EXOC6: variants seen among roughly 807,000 people sequenced by gnomAD.
The protein encoded by EXOC6 is exocyst complex component 6.
A neutral mutation model predicts 112.5 loss-of-function variants in EXOC6; 60 were observed. That is an observed-to-expected ratio of 0.53 (90% CI 0.43 to 0.66). The LOEUF is 0.66. Ranked by LOEUF, EXOC6 falls within the 30% of genes least tolerant of loss-of-function variation. EXOC6 has a pLI of 0.00. For synonymous variants in EXOC6, 295 were observed against 308.0 expected (o/e 0.96, Z 0.44); for missense variants, 855 against 957.1 (o/e 0.89, Z 1.41).
intron 1 of EXOC6, among the ~76,000 whole-genome samples, 195 bp downstream of exon 1, chr10:92,848,829 G>C (rs558151439): frequency 9.6e-4 from 146 of 152,080 alleles, no homozygotes; most frequent in Middle Eastern, 6.8e-3. Flanking sequence ...GGCTGCACCT[G>C]TCGGCGCGGC....
chr10:92,911,938 CGTG>C (rs1850800175), intron 6 of EXOC6, among the ~76,000 whole-genome samples: 1 of 136,130 alleles, frequency 7.3e-6, no homozygotes, highest in African/African-American at 2.8e-5. Context: ...TCTCTGTGTG[CGTG>C]TGTGTGTGTG....
At chr10:92,896,033 G>T in intron 4 of EXOC6, among the ~76,000 whole-genome samples, 1 of 125,572 alleles carries the variant, frequency 8.0e-6, no homozygotes, top group South Asian at 2.8e-4. Context: ...ATATATATGT[G>T]TGTATATATA....
chr10:92,984,987 A>G (rs1326149322), intron 18 of EXOC6, among the ~76,000 whole-genome samples: 1 of 151,664 alleles, frequency 6.6e-6, no homozygotes, highest in Non-Finnish European at 1.5e-5. Flanking sequence ...CAACAGAGCA[A>G]GACCTTGTCT....
chr10:92,995,367 A>G (rs1376789380), intron 18 of EXOC6, among the ~76,000 whole-genome samples: 3 of 151,822 alleles, frequency 2.0e-5, no homozygotes, highest in Admixed American at 1.3e-4. Flanking sequence ...TTTACATAAA[A>G]CAATACCACT....
chr10:93,013,660 C>T (rs1196856944), intron 19 of EXOC6, among the ~76,000 whole-genome samples: 1 of 152,082 alleles, frequency 6.6e-6, no homozygotes, highest in East Asian at 1.9e-4. Flanking sequence ...ACAGACATTC[C>T]TGCATCATCC....
intron 14 of EXOC6, among the ~76,000 whole-genome samples, chr10:92,949,825 A>G (rs1409280472): frequency 6.6e-6 from 1 of 151,680 alleles, no homozygotes; most frequent in African/African-American, 2.4e-5. Flanking sequence ...CGAACTCCTG[A>G]CCTCAGATGA....
intron 14 of EXOC6, among the ~76,000 whole-genome samples, chr10:92,951,829 T>C (rs567525819): frequency 6.6e-6 from 1 of 152,320 alleles, no homozygotes; most frequent in South Asian, 2.1e-4. Flanking sequence ...ACTTCTTGAA[T>C]TGGCATCAAG....
At chr10:93,010,520 G>A (rs187268382) in intron 19 of EXOC6, among the ~76,000 whole-genome samples, 3 of 152,104 alleles carry the variant, frequency 2.0e-5, no homozygotes, top group Admixed American at 2.0e-4. Context: ...CCAACATGGT[G>A]AAACCCTCTC....
intron 20 of EXOC6, among the ~76,000 whole-genome samples, chr10:93,037,115 AT>A (rs1192540194): frequency 1.4e-5 from 2 of 146,556 alleles, no homozygotes; most frequent in Non-Finnish European, 3.0e-5. Context: ...ATTAATTCAC[AT>A]TTTTGCCAAA....
At chr10:92,981,501 ACC>A (rs1842824094) in intron 18 of EXOC6, among the ~76,000 whole-genome samples, 1 of 152,260 alleles carries the variant, frequency 6.6e-6, no homozygotes, top group Non-Finnish European at 1.5e-5. Context: ...CACTAAAGGT[ACC>A]CAATTTATGC....
chr10:92,857,574 A>G (rs1178317373), intron 1 of EXOC6, among the ~76,000 whole-genome samples: 1 of 152,180 alleles, frequency 6.6e-6, no homozygotes, highest in Non-Finnish European at 1.5e-5. Flanking sequence ...TTCTTACTCC[A>G]GAATGGCTTT....
chr10:92,973,997 G>A (rs2134087726), intron 17 of EXOC6, 56 bp from the exon 18 acceptor site: 1 of 1,311,634 alleles, frequency 7.6e-7, no homozygotes, highest in Admixed American at 2.6e-5. Flanking sequence ...AGAATTGTAA[G>A]AACACTTGTT....
At chr10:92,933,659 A>ATTT (rs1349973639) in intron 9 of EXOC6, among the ~76,000 whole-genome samples, 1 of 152,202 alleles carries the variant, frequency 6.6e-6, no homozygotes, top group Non-Finnish European at 1.5e-5. Context: ...ATGATCAAAT[A>ATTT]TTTTTCTATA....
intron 18 of EXOC6, among the ~76,000 whole-genome samples, chr10:92,985,643 ATT>A (rs370835829): frequency 2.5e-3 from 382 of 152,296 alleles, no homozygotes; most frequent in African/African-American, 8.5e-3. Context: ...TGTAAGCATC[ATT>A]CTTTCAGACA....
intron 9 of EXOC6, among the ~76,000 whole-genome samples, chr10:92,932,641 G>A (rs534675526): frequency 6.6e-6 from 1 of 152,276 alleles, no homozygotes; most frequent in Admixed American, 6.5e-5. Context: ...GAAGAGCAGA[G>A]TTGGCCACTA....
At chr10:92,924,508 T>G (rs1421937467) in intron 8 of EXOC6, among the ~76,000 whole-genome samples, 1 of 152,204 alleles carries the variant, frequency 6.6e-6, no homozygotes, top group East Asian at 1.9e-4. Flanking sequence ...TTGTTTAATG[T>G]TTTCTACTTC....
chr10:92,974,437 ACT>A (rs1842414732), intron 18 of EXOC6, among the ~76,000 whole-genome samples: 2 of 152,128 alleles, frequency 1.3e-5, no homozygotes, highest in Admixed American at 6.6e-5. Context: ...AATAACTGTA[ACT>A]CTCTTTCCAC....
chr10:92,852,941 A>G (rs1847421886), intron 1 of EXOC6, among the ~76,000 whole-genome samples: 1 of 152,226 alleles, frequency 6.6e-6, no homozygotes, highest in Non-Finnish European at 1.5e-5. Flanking sequence ...ATTTAAAAAA[A>G]AAGCATCTAG....
chr10:92,997,448 A>G (rs184974830), intron 18 of EXOC6, 26 bp from the exon 19 acceptor site: 1 of 1,586,060 alleles, frequency 6.3e-7, no homozygotes, highest in African/African-American at 1.4e-5. Context: ...TATTTGTTTG[A>G]TTTTTGGTTT....
Sources: gnomAD v4.1 joint callset for allele counts (sites outside exome capture counted in the v4.1 genomes callset) on GRCh38, gnomAD v4.1.1 for gene constraint, MANE v1.5 for transcripts, NCBI Gene and HGNC (gene_info 2026-07-23, HGNC 2026-07-21) for gene names.